SPMIP3: variants seen among roughly 807,000 people sequenced by gnomAD.
SPMIP3 encodes protein SPMIP3.
At chr1:244,361,852 A>C in the SPMIP3 span, among the ~76,000 whole-genome samples, 7 of 152,188 alleles carry the variant, frequency 4.6e-5, no homozygotes, top group Non-Finnish European at 1.0e-4. Flanking sequence ...TTAGGAGCTC[A>C]AAAGCCCTGA....
At chr1:244,356,395 A>G in the SPMIP3 span, among the ~76,000 whole-genome samples, 1 of 152,246 alleles carries the variant, frequency 6.6e-6, no homozygotes, top group African/African-American at 2.4e-5. Context: ...AACCCGTATT[A>G]TATAATGCCA....
chr1:244,366,223 G>A, the SPMIP3 span, among the ~76,000 whole-genome samples: 1 of 152,134 alleles, frequency 6.6e-6, no homozygotes, highest in Non-Finnish European at 1.5e-5. Flanking sequence ...TGCCCAGGCT[G>A]GAGTGAAGTG....
the SPMIP3 span, among the ~76,000 whole-genome samples, chr1:244,379,138 CG>C: frequency 6.6e-6 from 1 of 151,526 alleles, no homozygotes; most frequent in Non-Finnish European, 1.5e-5. Context: ...CCATGTTGGC[CG>C]GGATGGTCTC....
At chr1:244,363,039 T>C in the SPMIP3 span, among the ~76,000 whole-genome samples, 1 of 149,110 alleles carries the variant, frequency 6.7e-6, no homozygotes, top group Non-Finnish European at 1.5e-5. Context: ...TTTCATAGAG[T>C]TGGGGTCTCA....
chr1:244,387,850 T>G, the SPMIP3 span, among the ~76,000 whole-genome samples: 1 of 152,042 alleles, frequency 6.6e-6, no homozygotes, highest in African/African-American at 2.4e-5. Context: ...CAAGGGTGAC[T>G]CCCAGGTTTC....
At chr1:244,383,310 G>A in the SPMIP3 span, among the ~76,000 whole-genome samples, 6 of 152,134 alleles carry the variant, frequency 3.9e-5, no homozygotes, top group African/African-American at 1.4e-4. Context: ...ACAGGAGTTT[G>A]AGACCAGCCT....
chr1:244,364,733 G>A, the SPMIP3 span: 1 of 1,614,052 alleles, frequency 6.2e-7, no homozygotes, highest in Non-Finnish European at 8.5e-7. Context: ...AATTTATTGA[G>A]CGTCGCCCAG....
chr1:244,373,914 G>C, the SPMIP3 span, among the ~76,000 whole-genome samples: 1 of 152,030 alleles, frequency 6.6e-6, no homozygotes, highest in Non-Finnish European at 1.5e-5. Flanking sequence ...AGGAGTTTGA[G>C]ACCATCCTAG....
chr1:244,382,464 T>C, the SPMIP3 span, among the ~76,000 whole-genome samples: 94,336 of 152,014 alleles, frequency 0.62, 30,039 homozygotes, highest in African/African-American at 0.76. Context: ...AGACCAGTGT[T>C]GTTTGGTGGG....
chr1:244,362,799 G>C, the SPMIP3 span, among the ~76,000 whole-genome samples: 1 of 150,796 alleles, frequency 6.6e-6, no homozygotes, highest in African/African-American at 2.4e-5. Context: ...TTGTCCCCCA[G>C]CCACTCAGTT....
At chr1:244,380,790 A>T in the SPMIP3 span, among the ~76,000 whole-genome samples, 1 of 152,150 alleles carries the variant, frequency 6.6e-6, no homozygotes, top group Non-Finnish European at 1.5e-5. Context: ...CCTGGGTCCC[A>T]GGGAACAGCA....
chr1:244,385,414 A>G, the SPMIP3 span, among the ~76,000 whole-genome samples: 2 of 152,216 alleles, frequency 1.3e-5, 1 homozygote, highest in Non-Finnish European at 2.9e-5. Flanking sequence ...TGTGCAAGAC[A>G]GAGTGGAGGG....
the SPMIP3 span, among the ~76,000 whole-genome samples, chr1:244,385,531 A>G: frequency 6.6e-6 from 1 of 152,186 alleles, no homozygotes; most frequent in Non-Finnish European, 1.5e-5. Context: ...AATAATTCAA[A>G]TAACTCATTT....
chr1:244,375,113 T>A, the SPMIP3 span: 12 of 249,840 alleles, frequency 4.8e-5, no homozygotes, highest in Non-Finnish European at 8.4e-5. Context: ...TGAACATAAA[T>A]AACATTTTAT....
chr1:244,354,490 A>G, the SPMIP3 span, among the ~76,000 whole-genome samples: 60,390 of 151,104 alleles, frequency 0.4, 12,597 homozygotes, highest in Middle Eastern at 0.5. Context: ...AGAGTAGCTG[A>G]GACTACAGGT....
At chr1:244,360,548 ACACACACACATG>A in the SPMIP3 span, among the ~76,000 whole-genome samples, 1,744 of 63,002 alleles carry the variant, frequency 0.028, 52 homozygotes, top group African/African-American at 0.086. Context: ...ACACACACAC[ACACACACACATG>A]CATGCATGGA....
At chr1:244,379,164 A>C in the SPMIP3 span, among the ~76,000 whole-genome samples, 1 of 150,176 alleles carries the variant, frequency 6.7e-6, no homozygotes, top group Non-Finnish European at 1.5e-5. Flanking sequence ...TCCTGACCTC[A>C]TGATCCGCCC....
the SPMIP3 span, among the ~76,000 whole-genome samples, chr1:244,373,596 A>C: frequency 1.3e-5 from 2 of 151,506 alleles, no homozygotes; most frequent in African/African-American, 4.8e-5. Context: ...CCTTTTTAAT[A>C]ATAGATATTT....
At chr1:244,389,047 G>T in the SPMIP3 span, 1 of 1,613,364 alleles carries the variant, frequency 6.2e-7, no homozygotes, top group Admixed American at 1.7e-5. Flanking sequence ...AGCTTTGAAA[G>T]AAATGCTTTT....
Sources: allele counts gnomAD v4.1 joint callset (sites outside exome capture counted in the v4.1 genomes callset), GRCh38; gene constraint gnomAD v4.1.1; transcripts MANE v1.5; gene names NCBI Gene and HGNC (gene_info 2026-07-23, HGNC 2026-07-21).